Variants in ZC3H18 observed in about 807,000 individuals in gnomAD.
ZC3H18 encodes the protein zinc finger CCCH-type containing 18.
Under a neutral mutation model 106.1 loss-of-function variants are expected in ZC3H18, and 8 were observed. That is an observed-to-expected ratio of 0.08 (90% CI 0.04 to 0.14). The LOEUF (loss-of-function observed/expected upper bound fraction) is 0.14. ZC3H18 is among the 10% of genes least tolerant of loss of function. ZC3H18 has a pLI of 1.00. For synonymous variants in ZC3H18, 635 were observed against 522.1 expected (o/e 1.22, Z -2.95); for missense variants, 1,318 against 1,278.4 (o/e 1.03, Z -0.47).
Position 88,623,251 on chromosome 16 carries a change from C to G in ZC3H18, c.1700C>G (p.Ser567Cys). ...SSSRSSSYSG[S>C]GSSRSRSRSS... ...TCGCGGTCATCGTCCTACTCTGGCT[C>G]CGGCTCCTCCCGGTCGCGATCCCGG... The change falls in exon 10 of 18, where the codon TCC becomes TGC. Residue 567 changes from serine (S) to cysteine (C), a missense_variant. Ser to Cys is a moderately radical substitution (Grantham distance 112, BLOSUM62 -1). Transcript: ENST00000301011. 6.2e-7 allele frequency: 1 copy of G among 1,613,594 alleles called. No homozygotes were observed. Among genetic ancestry groups the G allele is most frequent in the Non-Finnish European group, 8.5e-7 (1 of 1,179,968 alleles).
chr16:88,629,424 T>C (rs2142840878), intron 16 of ZC3H18, among the ~76,000 whole-genome samples: 2 of 152,338 alleles, frequency 1.3e-5, no homozygotes, highest in South Asian at 4.1e-4. Context: ...TGCAGTGAGC[T>C]GAGATTGCAC....
Position 88,600,859 on chromosome 16 carries a change from A to G in ZC3H18, c.1088+911A>G, listed in dbSNP as rs1904712106. Among the ~76,000 whole-genome samples the G allele has an allele frequency of 2.0e-5, 3 of 152,208 alleles. No individual in the cohort carries two copies. In the South Asian group the frequency reaches 6.2e-4, roughly 31 times the overall value. ...GGCACGGTGAGGTTCAGGGCAGGGA[A>G]CTGGATTATAATTCGGGCAGATCTG... On this transcript the variant is annotated intron_variant, in intron 6 of 17. Transcript: ENST00000301011.
chr16:88,573,873 T>C (rs990784769), intron 1 of ZC3H18, among the ~76,000 whole-genome samples: 5 of 151,938 alleles, frequency 3.3e-5, no homozygotes, highest in African/African-American at 1.2e-4. Flanking sequence ...TTGCTAACCA[T>C]TTAGGTTTTT....
intron 7 of ZC3H18, 125 bp downstream of exon 7, chr16:88,609,176 T>A (rs779866597): frequency 1.1e-5 from 7 of 643,066 alleles, no homozygotes; most frequent in Non-Finnish European, 1.7e-5. Flanking sequence ...ATGTACCAAT[T>A]TGAAAACCAA....
chr16:88,628,491 C>T (rs774880182), intron 15 of ZC3H18, among the ~76,000 whole-genome samples: 1 of 152,058 alleles, frequency 6.6e-6, no homozygotes, highest in Non-Finnish European at 1.5e-5. Flanking sequence ...CTTCATGGGT[C>T]CCAGGTCCTC....
intron 1 of ZC3H18, among the ~76,000 whole-genome samples, chr16:88,572,760 C>T (rs1276273081): frequency 2.6e-5 from 4 of 150,960 alleles, no homozygotes; most frequent in Admixed American, 2.6e-4. Flanking sequence ...TTCGTAGCAC[C>T]TTATTACTAT....
In ZC3H18 at chr16:88,623,944, G is replaced by T. The variant is rs1158702011; in HGVS notation, c.1794-14G>T. ...CCCCCAGGCCCCTTCCGACACCTTTGTTCACTCCCCTAGGTCCCGGTCCTT... is the reference window on the plus strand; with the variant it reads ...CCCCCAGGCCCCTTCCGACACCTTTTTTCACTCCCCTAGGTCCCGGTCCTT... On this transcript the variant is annotated splice_polypyrimidine_tract_variant and intron_variant, in intron 10 of 17. Coordinates refer to ENST00000301011, the MANE Select transcript of ZC3H18 (RefSeq NM_144604.4). 6.2e-7 allele frequency: 1 copy of T among 1,604,396 alleles called. No homozygotes were observed. Among genetic ancestry groups the T allele is most frequent in the African/African-American group, 1.3e-5 (1 of 74,652 alleles).
At chr16:88,586,491 G>T in intron 2 of ZC3H18, 109 bp from the exon 3 acceptor site, 1 of 882,980 alleles carries the variant, frequency 1.1e-6, no homozygotes, top group Non-Finnish European at 1.9e-6. Flanking sequence ...TTCAATTCCT[G>T]TGACAATATC....
In ZC3H18 at chr16:88,599,853, G is replaced by T. The variant is rs115553208; in HGVS notation, c.993G>T (p.Thr331=). The T allele has an allele frequency of 1.2e-6, 2 of 1,614,054 alleles. No homozygotes were observed. Among genetic ancestry groups the T allele is most frequent in the African/African-American group, 1.3e-5 (1 of 74,924 alleles). ...QEPDFEEKRF[T]VTIGEDEREF... ...CTGATTTTGAAGAGAAAAGGTTTAC[G>T]GTGACCATTGGCGAAGACGAACGGG... The change falls in exon 6 of 18, where the codon ACG becomes ACT. Residue 331 remains threonine (T), a synonymous_variant. Coordinates refer to ENST00000301011, the MANE Select transcript of ZC3H18 (RefSeq NM_144604.4).
Position 88,590,971 on chromosome 16 carries a change from C to CTT in ZC3H18, c.688+4303_688+4304dup, listed in dbSNP as rs71158738. ...AATTTTTTAAAATTGTGGTGGAATA[C>CTT]TTTTTTTTTTTTTTTTTGAGATGGA... On this transcript the variant is annotated intron_variant, in intron 3 of 17. Transcript: ENST00000301011. 9.6e-4 allele frequency among the ~76,000 whole-genome samples: 94 copies of CTT among 97,812 alleles called. 1 individual carries two copies. Among genetic ancestry groups the CTT allele is most frequent in the African/African-American group, 2.2e-3 (64 of 28,856 alleles). The allele number at this position is 97,812 out of a possible 152,430, so 64.2% of individuals were successfully genotyped here.
chr16:88,588,479 CAG>C (rs1331026620), intron 3 of ZC3H18, among the ~76,000 whole-genome samples: 1 of 152,318 alleles, frequency 6.6e-6, no homozygotes, highest in Non-Finnish European at 1.5e-5. Context: ...ACAAAACAGA[CAG>C]AGAGATGGTT....
At chr16:88,602,461 A>T (rs545248062) in intron 6 of ZC3H18, among the ~76,000 whole-genome samples, 24 of 152,220 alleles carry the variant, frequency 1.6e-4, no homozygotes, top group Non-Finnish European at 2.6e-4. Context: ...CCTCAGCCAC[A>T]TCTGCCCCCA....
At chr16:88,618,340 T>C (rs187627190) in intron 8 of ZC3H18, among the ~76,000 whole-genome samples, 394 of 152,308 alleles carry the variant, frequency 2.6e-3, no homozygotes, top group Non-Finnish European at 4.5e-3. Flanking sequence ...GAGAGAAGCT[T>C]TGCTGTGGAG....
intron 2 of ZC3H18, among the ~76,000 whole-genome samples, chr16:88,582,896 G>C (rs1262685634): frequency 6.6e-6 from 1 of 152,190 alleles, no homozygotes; most frequent in East Asian, 1.9e-4. Context: ...TGTGTACCTC[G>C]CAGGCTACCG....
intron 2 of ZC3H18, among the ~76,000 whole-genome samples, chr16:88,583,367 C>G (rs1285489161): frequency 1.3e-5 from 2 of 152,250 alleles, no homozygotes; most frequent in African/African-American, 4.8e-5. Flanking sequence ...GGCGCGCTTG[C>G]TGAGCACTTG....
chr16:88,625,973 C>G (rs1906285391), intron 13 of ZC3H18: 1 of 151,870 alleles, frequency 6.6e-6, no homozygotes, highest in Non-Finnish European at 1.5e-5. Context: ...CAGGCGCACA[C>G]TGCCACGCCC....
At chr16:88,594,750 T>C (rs572237326) in intron 3 of ZC3H18, among the ~76,000 whole-genome samples, 2 of 152,314 alleles carry the variant, frequency 1.3e-5, no homozygotes, top group African/African-American at 4.8e-5. Context: ...CAGTGTACCT[T>C]TTAGAGTGGG....
chr16:88,628,069 C>A lies in ZC3H18; in HGVS notation c.2419C>A (p.Gln807Lys). The change falls in exon 15 of 18, where the codon CAG becomes AAG. Residue 807 changes from glutamine to lysine, a missense_variant. By Grantham distance (53) the Gln-to-Lys change is moderately conservative (BLOSUM62 1). Coordinates refer to ENST00000301011, the MANE Select transcript of ZC3H18 (RefSeq NM_144604.4). Reference protein sequence around the residue: ...PQQAPPGQPQQGTFVAHKEIK... With the variant: ...PQQAPPGQPQKGTFVAHKEIK... ...GCAGGCACCCCCCGGGCAGCCCCAG[C>A]AGGGCACATTTGTGGCCCACAAGGA... The A allele has an allele frequency of 6.2e-7, 1 of 1,614,122 alleles. No individual in the cohort carries two copies. Among genetic ancestry groups the A allele is most frequent in the Non-Finnish European group, 8.5e-7 (1 of 1,180,022 alleles).
chr16:88,575,666 G>A (rs980656178), intron 1 of ZC3H18, among the ~76,000 whole-genome samples: 1 of 151,942 alleles, frequency 6.6e-6, no homozygotes, highest in Non-Finnish European at 1.5e-5. Flanking sequence ...AATTTAATCT[G>A]GATTAGTAAA....
Sources: gnomAD v4.1 joint callset for allele counts (sites outside exome capture counted in the v4.1 genomes callset) on GRCh38, gnomAD v4.1.1 for gene constraint, MANE v1.5 for transcripts, NCBI Gene and HGNC (gene_info 2026-07-23, HGNC 2026-07-21) for gene names.